TASP1: variants seen among roughly 807,000 people sequenced by gnomAD.
TASP1 encodes threonine aspartase 1.
A neutral mutation model predicts 56.6 loss-of-function variants in TASP1; 16 were observed. The ratio of observed to expected loss-of-function variants is 0.28; its 90% CI spans 0.19 to 0.43. TASP1 has a LOEUF of 0.43. Ranked by LOEUF, TASP1 falls within the 20% of genes least tolerant of loss-of-function variation. TASP1 has a pLI of 1.00. For synonymous variants in TASP1, 179 were observed against 184.2 expected, an observed-to-expected ratio of 0.97 and a Z score of 0.23; for missense variants, 393 against 511.6, an observed-to-expected ratio of 0.77 and a Z score of 2.24.
At chr20:13,388,554 G>T (rs553002045), downstream of TASP1, among the ~76,000 whole-genome samples, 1 of 152,194 alleles carries the variant, frequency 6.6e-6, no homozygotes, top group Admixed American at 6.5e-5. Flanking sequence ...AAAAGGAGAT[G>T]AAAGAAGTGG....
chr20:13,560,684 A>G (rs2046316169), intron 7 of TASP1, among the ~76,000 whole-genome samples: 1 of 152,196 alleles, frequency 6.6e-6, no homozygotes, highest in African/African-American at 2.4e-5. Context: ...GTGGGGAAAG[A>G]AAACTATCTC....
the TASP1 span, among the ~76,000 whole-genome samples, chr20:13,231,413 T>A: frequency 6.6e-6 from 1 of 152,174 alleles, no homozygotes; most frequent in Non-Finnish European, 1.5e-5. Flanking sequence ...TCCTGGTGTT[T>A]AGAGATCTAA....
chr20:13,397,958 C>A (rs1030898098), intron 13 of TASP1, among the ~76,000 whole-genome samples: 78 of 152,252 alleles, frequency 5.1e-4, no homozygotes, highest in African/African-American at 1.7e-3. Flanking sequence ...TCATAGGGAA[C>A]CTGGCCTCAA....
chr20:13,390,324 A>T lies in TASP1; in HGVS notation c.*36T>A. Reference sequence around the variant, plus strand: ...AAACCCCCAAAAGCTCAGGTTCTGAAATGCCTCTGAGACGCTTCACACTCA... The same window carrying T: ...AAACCCCCAAAAGCTCAGGTTCTGATATGCCTCTGAGACGCTTCACACTCA... On this transcript the variant is annotated 3_prime_UTR_variant, in exon 14 of 14. Coordinates refer to ENST00000337743, the MANE Select transcript of TASP1 (RefSeq NM_017714.3). 6.3e-7 allele frequency: 1 copy of T among 1,587,662 alleles called. No homozygotes were observed. Among genetic ancestry groups the T allele is most frequent in the Non-Finnish European group, 8.6e-7 (1 of 1,158,706 alleles).
chr20:13,141,320 CTG>C, the TASP1 span, among the ~76,000 whole-genome samples: 2 of 152,180 alleles, frequency 1.3e-5, no homozygotes, highest in Admixed American at 1.3e-4. Context: ...CACTCAAATT[CTG>C]TCTCTTCTCT....
At chr20:13,162,680 T>C in the TASP1 span, among the ~76,000 whole-genome samples, 1 of 152,188 alleles carries the variant, frequency 6.6e-6, no homozygotes, top group African/African-American at 2.4e-5. Context: ...CAGTTGCTCA[T>C]TCACCAATAA....
the TASP1 span, among the ~76,000 whole-genome samples, chr20:13,158,022 A>G: frequency 6.6e-6 from 1 of 152,220 alleles, no homozygotes; most frequent in South Asian, 2.1e-4. Context: ...TCTTCTATAG[A>G]GCTGTGCAAT....
At chr20:13,128,871 A>ATTT in the TASP1 span, among the ~76,000 whole-genome samples, 2 of 114,232 alleles carry the variant, frequency 1.8e-5, no homozygotes, top group Non-Finnish European at 3.5e-5. Context: ...TGCCCAGCTA[A>ATTT]TTTTTTTTTT....
chr20:13,298,701 T>C, the TASP1 span, among the ~76,000 whole-genome samples: 2 of 152,194 alleles, frequency 1.3e-5, no homozygotes, highest in African/African-American at 4.8e-5. Flanking sequence ...TTGGAGGAAG[T>C]CTTGTGAATA....
intron 4 of TASP1, among the ~76,000 whole-genome samples, chr20:13,589,438 CACACCAT>C (rs2047440691): frequency 6.6e-6 from 1 of 152,148 alleles, no homozygotes; most frequent in Admixed American, 6.5e-5. Flanking sequence ...ACCCCTATCT[CACACCAT>C]GTATAAAAAT....
intron 8 of TASP1, among the ~76,000 whole-genome samples, chr20:13,557,085 CT>C (rs1474297433): frequency 1.3e-5 from 2 of 152,084 alleles, no homozygotes; most frequent in Non-Finnish European, 2.9e-5. Context: ...TGAAGATATT[CT>C]CCATGAGATG....
chr20:13,390,311 G>T lies in TASP1; in HGVS notation c.*49C>A. The T allele has an allele frequency of 6.5e-6, 10 of 1,543,366 alleles. No homozygotes were observed. The highest frequency in any genetic ancestry group is 1.1e-5 in the South Asian group (1 of 87,732). On this transcript the variant is annotated 3_prime_UTR_variant, in exon 14 of 14. Transcript: ENST00000337743. ...CAACTTCAGTTAAAAACCCCCAAAA[G>T]CTCAGGTTCTGAAATGCCTCTGAGA...
intron 4 of TASP1, among the ~76,000 whole-genome samples, chr20:13,613,895 A>C (rs960893050): frequency 6.6e-6 from 1 of 152,146 alleles, no homozygotes; most frequent in African/African-American, 2.4e-5. Context: ...TCAGAGGTTC[A>C]ATTATCTTAA....
At chr20:13,184,177 A>G in the TASP1 span, among the ~76,000 whole-genome samples, 1 of 152,202 alleles carries the variant, frequency 6.6e-6, no homozygotes, top group African/African-American at 2.4e-5. Context: ...ACAGCAATAA[A>G]TAAGACAGAT....
At chr20:13,533,082 T>C (rs2045283917) in intron 9 of TASP1, among the ~76,000 whole-genome samples, 1 of 152,138 alleles carries the variant, frequency 6.6e-6, no homozygotes, top group African/African-American at 2.4e-5. Flanking sequence ...CACTTTGGGG[T>C]GTGCAGTGAT....
At chr20:13,629,123 T>C (rs1177288920) in intron 2 of TASP1, among the ~76,000 whole-genome samples, 2 of 152,162 alleles carry the variant, frequency 1.3e-5, no homozygotes, top group Non-Finnish European at 2.9e-5. Context: ...CCCAGCACTT[T>C]GGGAGGCCAA....
At chr20:13,275,453 G>A in the TASP1 span, among the ~76,000 whole-genome samples, 1 of 152,188 alleles carries the variant, frequency 6.6e-6, no homozygotes, top group Non-Finnish European at 1.5e-5. Context: ...AGACAAGCCT[G>A]TTCGGCTCAG....
intron 11 of TASP1, among the ~76,000 whole-genome samples, chr20:13,482,859 A>C (rs1047933653): frequency 6.6e-6 from 1 of 152,214 alleles, no homozygotes; most frequent in Non-Finnish European, 1.5e-5. Flanking sequence ...AATATAATCA[A>C]CCTTTTTCTG....
At chr20:13,582,110 A>G (rs1601331973) in intron 5 of TASP1, among the ~76,000 whole-genome samples, 1 of 151,056 alleles carries the variant, frequency 6.6e-6, no homozygotes, top group South Asian at 2.1e-4. Context: ...TTCCACAAAA[A>G]AAGTATGAAA....
Sources: gnomAD v4.1 joint callset for allele counts (sites outside exome capture counted in the v4.1 genomes callset) on GRCh38, gnomAD v4.1.1 for gene constraint, MANE v1.5 for transcripts, NCBI Gene and HGNC (gene_info 2026-07-23, HGNC 2026-07-21) for gene names.